GEMIN6: variants seen among roughly 807,000 people sequenced by gnomAD.
GEMIN6 encodes gem nuclear organelle associated protein 6.
A neutral mutation model predicts 14.1 loss-of-function variants in GEMIN6; 13 were observed. The observed-to-expected ratio is 0.92, with a 90% CI of 0.60 to 1.46. GEMIN6 has a LOEUF of 1.46. Among genes scored for constraint, GEMIN6 ranks in the 40% most tolerant of loss-of-function variants. The pLI is 0.00. For missense variants in GEMIN6, 271 were observed against 202.4 expected (o/e 1.34, Z -2.06); for synonymous variants, 87 against 70.0 (o/e 1.24, Z -1.21).
chr2:38,779,683 TTTTTTTTTC>T (rs2148513278), intron 2 of GEMIN6, among the ~76,000 whole-genome samples: 1 of 114,554 alleles, frequency 8.7e-6, no homozygotes, highest in African/African-American at 3.4e-5. Flanking sequence ...TTTTTTTTTT[TTTTTTTTTC>T]GGGGGTGGGA....
At position 38,781,600 on chromosome 2, in the gene GEMIN6, T is replaced by G; in HGVS notation, c.212T>G (p.Met71Arg). 1.2e-6 allele frequency: 2 copies of G among 1,614,180 alleles called. No individual in the cohort carries two copies. Among genetic ancestry groups the G allele is most frequent in the Non-Finnish European group, 1.7e-6 (2 of 1,180,028 alleles). The change falls in exon 3 of 3, where the codon ATG becomes AGG. Residue 71 changes from methionine (M) to arginine (R), a missense_variant. Coordinates refer to ENST00000281950, the MANE Select transcript of GEMIN6 (RefSeq NM_024775.10). The stretch of plus-strand genomic sequence containing the variant: ...CATGCTGTGCAGACTGTTGAAACTA[T>G]GAATGAAGGGGACCATAGAGTGAGG... ...MGHAVQTVET[M>R]NEGDHRVREK...
At chr2:38,779,144 A>G (rs1405753567) in intron 2 of GEMIN6, 26 bp downstream of exon 2, 1 of 1,598,842 alleles carries the variant, frequency 6.3e-7, no homozygotes, top group Non-Finnish European at 8.5e-7. Context: ...ACTTGCCTGA[A>G]ATCTTGACAC....
At position 38,778,947 on chromosome 2, in the gene GEMIN6, T is replaced by G. The variant is rs373228867; in HGVS notation, c.-19-25T>G. The G allele has an allele frequency of 1.4e-4, 214 of 1,581,442 alleles. No homozygotes were observed. Among genetic ancestry groups the G allele is most frequent in the Non-Finnish European group, 1.6e-4 (191 of 1,164,482 alleles). Reference sequence around the variant, plus strand: ...ACATTTGCTTACGTGGAACATATATTAACCAGCACTGGTGGTTGTTTCAGA... The same window carrying G: ...ACATTTGCTTACGTGGAACATATATGAACCAGCACTGGTGGTTGTTTCAGA... On this transcript the variant is annotated intron_variant, in intron 1 of 2. Transcript: ENST00000281950.
At position 38,778,899 on chromosome 2, in the gene GEMIN6, A is replaced by C. The variant is rs1572591580; in HGVS notation, c.-19-73A>C. 4.6e-6 allele frequency: 6 copies of C among 1,307,240 alleles called. No individual in the cohort carries two copies. In the African/African-American group the frequency reaches 8.9e-5, roughly 19 times the overall value. 81.0% of individuals were successfully genotyped at this position (1,307,240 alleles called of 1,614,324 possible). ...ATCACAGATGTTCTCTGTCTCTAGG[A>C]TAGGATGGAGATTAGGGATAAGACA... On this transcript the variant is annotated intron_variant, in intron 1 of 2. Transcript: ENST00000281950.
At chr2:38,780,187 GC>G (rs1271108073) in intron 2 of GEMIN6, among the ~76,000 whole-genome samples, 1 of 151,228 alleles carries the variant, frequency 6.6e-6, no homozygotes, top group African/African-American at 2.4e-5. Flanking sequence ...GGGCGTGGTA[GC>G]AGGCACCTGT....
At chr2:38,779,645 TATATATATATATATA>T (rs1669030827) in intron 2 of GEMIN6, among the ~76,000 whole-genome samples, 1 of 28,436 alleles carries the variant, frequency 3.5e-5, no homozygotes, top group African/African-American at 8.8e-5. Context: ...ACTATATATA[TATATATATATATATA>T]TATATTTTTT....
At chr2:38,779,749 T>C (rs1488625137) in intron 2 of GEMIN6, among the ~76,000 whole-genome samples, 2 of 138,170 alleles carry the variant, frequency 1.4e-5, no homozygotes, top group East Asian at 4.7e-4. Flanking sequence ...AGTTACAATC[T>C]TGGCTCACTG....
At position 38,782,006 on chromosome 2, in the gene GEMIN6, T is replaced by A. The variant is rs1349235637; in HGVS notation, c.*114T>A. 2 of 1,087,302 alleles carry A rather than the reference T, an allele frequency of 1.8e-6. No individual in the cohort carries two copies. The highest frequency in any genetic ancestry group is 1.7e-5 in the South Asian group (1 of 58,910). The allele number at this position is 1,087,302 out of a possible 1,614,324, so 67.4% of individuals were successfully genotyped here. A position where few individuals can be genotyped will look rare whatever the true frequency, so the allele number is the denominator to read the frequency against. On this transcript the variant is annotated 3_prime_UTR_variant, in exon 3 of 3. Coordinates refer to ENST00000281950, the MANE Select transcript of GEMIN6 (RefSeq NM_024775.10). ...GTGTGTATGTGTGTGTGTGTATAAT[T>A]CTTTGTTGTTTTGGTAAAATCAGAG...
In GEMIN6 at chr2:38,784,599, C is replaced by G. The variant is rs1669162881; in HGVS notation, c.*2707C>G. On this transcript the variant is annotated 3_prime_UTR_variant, in exon 3 of 3. Transcript: ENST00000281950. Reference sequence around the variant, plus strand: ...ATTGGACTTGATCTTGGCTCAGGGACCAGGCCCGGTGCCTTGATATTGGTA... The same window carrying G: ...ATTGGACTTGATCTTGGCTCAGGGAGCAGGCCCGGTGCCTTGATATTGGTA... 6.6e-6 allele frequency: 1 copy of G among 151,734 alleles called. No individual in the cohort carries two copies. Among genetic ancestry groups the G allele is most frequent in the African/African-American group, 2.4e-5 (1 of 41,284 alleles). 9.4% of individuals were successfully genotyped at this position (151,734 alleles called of 1,614,324 possible).
chr2:38,778,909 G>C, intron 1 of GEMIN6, 63 bp from the exon 2 acceptor site: 1 of 1,399,186 alleles, frequency 7.1e-7, no homozygotes, highest in East Asian at 2.3e-5. Flanking sequence ...ATAGGATGGA[G>C]ATTAGGGATA....
chr2:38,779,156 C>T (rs767671567), intron 2 of GEMIN6, 38 bp downstream of exon 2: 3 of 1,584,440 alleles, frequency 1.9e-6, no homozygotes, highest in Non-Finnish European at 2.6e-6. Flanking sequence ...TCTTGACACC[C>T]CTTTGTGCTG....
rs1181180209 is a variant in GEMIN6, at chr2:38,781,524, C to T, written c.136C>T (p.Leu46Phe). 2.5e-6 allele frequency: 4 copies of T among 1,609,942 alleles called. No homozygotes were observed. The highest frequency in any genetic ancestry group is 3.4e-6 in the Non-Finnish European group (4 of 1,177,998). Reference sequence around the variant, plus strand: ...CTTACTTTTCCTCCAAAGTATTGTCCTTGTGAACTTCCTTGAAGATGGCAG... The same window carrying T: ...CTTACTTTTCCTCCAAAGTATTGTCTTTGTGAACTTCCTTGAAGATGGCAG... ...TTDPVSANIV[L>F]VNFLEDGSMS... Residue 46 changes from leucine to phenylalanine, a missense_variant, in exon 3 of 3, where the codon CTT becomes TTT. By Grantham distance (22) the Leu-to-Phe change is conservative. Coordinates refer to ENST00000281950, the MANE Select transcript of GEMIN6 (RefSeq NM_024775.10).
chr2:38,779,663 TA>T (rs60198324), intron 2 of GEMIN6, among the ~76,000 whole-genome samples: 318 of 24,604 alleles, frequency 0.013, 14 homozygotes, highest in East Asian at 0.025. Context: ...TATATATATA[TA>T]TTTTTTTTTT....
chr2:38,779,302 C>A, intron 2 of GEMIN6, 184 bp downstream of exon 2: 1 of 614,810 alleles, frequency 1.6e-6, no homozygotes, highest in South Asian at 1.7e-5. Flanking sequence ...GAGATCTCGG[C>A]TCTTTGTAAC....
chr2:38,779,628 T>G (rs1363273183), intron 2 of GEMIN6, among the ~76,000 whole-genome samples: 1 of 115,210 alleles, frequency 8.7e-6, no homozygotes, highest in Admixed American at 9.7e-5. Context: ...GCATAGAAAT[T>G]ATTCTTACTA....
rs745868086 is a variant in GEMIN6, at chr2:38,781,933, A to C, written c.*41A>C. ...GAACATACTGATAGAAAAAGACTATATTTTATCCCTCATAAAATGTTTTAA... is the reference window on the plus strand; with the variant it reads ...GAACATACTGATAGAAAAAGACTATCTTTTATCCCTCATAAAATGTTTTAA... On this transcript the variant is annotated 3_prime_UTR_variant, in exon 3 of 3. Transcript: ENST00000281950. 7 of 1,528,288 alleles carry C rather than the reference A, an allele frequency of 4.6e-6. No individual in the cohort carries two copies. Among genetic ancestry groups the C allele is most frequent in the Non-Finnish European group, 6.2e-6 (7 of 1,133,988 alleles). The allele number at this position is 1,528,288 out of a possible 1,614,324, so 94.7% of individuals were successfully genotyped here.
chr2:38,780,372 CT>C lies in GEMIN6; in HGVS notation c.129-1135del, dbSNP rs565233224. Among the ~76,000 whole-genome samples the C allele has an allele frequency of 4.7e-5, 7 of 147,804 alleles. No individual in the cohort carries two copies. The South Asian group carries it at 6.5e-4, about 14-fold the overall frequency. ...CTTTAAATAAATGTAACCACAAAAACTTTTTTTTTTGAGATGGAGTCTCGCT... is the reference window on the plus strand; with the variant it reads ...CTTTAAATAAATGTAACCACAAAAACTTTTTTTTTGAGATGGAGTCTCGCT... On this transcript the variant is annotated intron_variant, in intron 2 of 2. Coordinates refer to ENST00000281950, the MANE Select transcript of GEMIN6 (RefSeq NM_024775.10).
chr2:38,783,378 AG>A lies in GEMIN6; in HGVS notation c.*1489del, dbSNP rs1341897660. 6.6e-6 allele frequency: 1 copy of A among 151,234 alleles called. No individual in the cohort carries two copies. The highest frequency in any genetic ancestry group is 2.0e-4 in the East Asian group (1 of 5,116). The allele number at this position is 151,234 out of a possible 1,614,324, so 9.4% of individuals were successfully genotyped here. A position where few individuals can be genotyped will look rare whatever the true frequency, so the allele number is the denominator to read the frequency against. On this transcript the variant is annotated 3_prime_UTR_variant, in exon 3 of 3. Coordinates refer to ENST00000281950, the MANE Select transcript of GEMIN6 (RefSeq NM_024775.10). ...TAATGTTTGTATTTTTAGTAGAGAC[AG>A]GGTTTCACCATGTTGACCAGGCTGG...
At chr2:38,779,636 CTA>C (rs1171290307) in intron 2 of GEMIN6, among the ~76,000 whole-genome samples, 1,003 of 36,042 alleles carry the variant, frequency 0.028, 34 homozygotes, top group Middle Eastern at 0.045. Flanking sequence ...ATTATTCTTA[CTA>C]TATATATATA....
Sources: allele counts gnomAD v4.1 joint callset (sites outside exome capture counted in the v4.1 genomes callset), GRCh38; gene constraint gnomAD v4.1.1; transcripts MANE v1.5; gene names NCBI Gene and HGNC (gene_info 2026-07-23, HGNC 2026-07-21).